Variants in UNC79 observed in about 807,000 individuals in gnomAD.
UNC79 encodes unc-79 subunit of NALCN channel complex, also known as protein unc-79 homolog.
A neutral mutation model predicts 283.1 loss-of-function variants in UNC79; 37 were observed. That is an observed-to-expected ratio of 0.13 (90% CI 0.10 to 0.17). UNC79 has a LOEUF of 0.17. UNC79 is among the 10% of genes least tolerant of loss of function. The pLI is 1.00. For missense variants in UNC79, 2,272 were observed against 3,211.1 expected (o/e 0.71, Z 7.07); for synonymous variants, 1,107 against 1,200.2 (o/e 0.92, Z 1.61).
intron 42 of UNC79, among the ~76,000 whole-genome samples, chr14:93,685,367 T>C (rs982415093): frequency 1.2e-4 from 18 of 152,212 alleles, no homozygotes; most frequent in African/African-American, 4.3e-4. Context: ...AAATCCTTTC[T>C]TGCACGAAAG....
At chr14:93,343,983 G>T (rs1279462109) in intron 1 of UNC79, among the ~76,000 whole-genome samples, 1 of 132,172 alleles carries the variant, frequency 7.6e-6, no homozygotes, top group Non-Finnish European at 1.6e-5. Context: ...GAGGAATGTT[G>T]TTTGTATTGG....
upstream of UNC79, among the ~76,000 whole-genome samples, chr14:93,429,396 C>T (rs1348925752): frequency 1.3e-5 from 2 of 152,194 alleles, no homozygotes; most frequent in East Asian, 3.9e-4. Context: ...ATCACATATG[C>T]AACCCAAAGA....
chr14:93,588,873 A>G (rs2064435871), intron 22 of UNC79, among the ~76,000 whole-genome samples: 1 of 152,184 alleles, frequency 6.6e-6, no homozygotes, highest in Non-Finnish European at 1.5e-5. Context: ...GATCAAGAAC[A>G]AAAGGTAGGG....
At chr14:93,340,535 C>T (rs1449538753) in intron 1 of UNC79, among the ~76,000 whole-genome samples, 2 of 148,868 alleles carry the variant, frequency 1.3e-5, no homozygotes, top group Non-Finnish European at 3.0e-5. Context: ...TCTGTTTATA[C>T]ATCCAGTCAG....
chr14:93,601,669 G>C (rs2065515990), intron 25 of UNC79, among the ~76,000 whole-genome samples: 1 of 152,126 alleles, frequency 6.6e-6, no homozygotes, highest in South Asian at 2.1e-4. Context: ...GTTCTTTAAG[G>C]AATCTCCATA....
chr14:93,623,014 A>G (rs1266536335), intron 30 of UNC79, among the ~76,000 whole-genome samples, 173 bp downstream of exon 32: 2 of 152,136 alleles, frequency 1.3e-5, no homozygotes, highest in Non-Finnish European at 2.9e-5. Context: ...ACAATGTTGG[A>G]TGCAGATGTG....
At chr14:93,347,439 CCTGGCGGGGCG>C (rs1169017320) in intron 1 of UNC79, 1 of 1,412,458 alleles carries the variant, frequency 7.1e-7, no homozygotes, top group African/African-American at 1.5e-5. Flanking sequence ...AGCGCGTGGC[CCTGGCGGGGCG>C]CCCCGACGGG....
At chr14:93,598,409 T>G (rs10136905) in intron 24 of UNC79, among the ~76,000 whole-genome samples, 5,851 of 38,878 alleles carry the variant, frequency 0.15, 183 homozygotes, top group Middle Eastern at 0.2. Flanking sequence ...TGTGTGTGTG[T>G]GGCAGATTTT....
exon 49 of UNC79, chr14:93,706,853 C>T (rs762901054): frequency 2.5e-6 from 4 of 1,614,052 alleles, no homozygotes; most frequent in Non-Finnish European, 3.4e-6. Context: ...TCAAAATGGC[C>T]CAGGTGGAGA....
At chr14:93,545,592 GT>G (rs898359323) in intron 14 of UNC79, among the ~76,000 whole-genome samples, 10 of 152,166 alleles carry the variant, frequency 6.6e-5, no homozygotes, top group African/African-American at 2.2e-4. Context: ...TATCGAATCT[GT>G]TTTTCCAAGA....
chr14:93,532,972 G>GTA (rs2060899816), intron 11 of UNC79, among the ~76,000 whole-genome samples: 4 of 152,040 alleles, frequency 2.6e-5, no homozygotes, highest in Admixed American at 6.6e-5. Flanking sequence ...CAATTTGTAT[G>GTA]TGTGAAAAAC....
intron 7 of UNC79, among the ~76,000 whole-genome samples, chr14:93,506,004 C>G (rs1009327448): frequency 4.6e-5 from 7 of 151,742 alleles, no homozygotes; most frequent in African/African-American, 1.7e-4. Context: ...AACATAATTA[C>G]TGTTGTTCAG....
intron 34 of UNC79, among the ~76,000 whole-genome samples, chr14:93,644,521 G>T (rs184316486): frequency 3.9e-5 from 6 of 152,238 alleles, no homozygotes; most frequent in African/African-American, 1.4e-4. Flanking sequence ...AGTTACTGTG[G>T]ACTCATTGAC....
chr14:93,336,726 AAAGAC>A (rs1343763400), intron 1 of UNC79, among the ~76,000 whole-genome samples: 1 of 152,250 alleles, frequency 6.6e-6, no homozygotes, highest in Non-Finnish European at 1.5e-5. Flanking sequence ...TTGGGGAAGA[AAAGAC>A]AAGCAAGTCA....
intron 13 of UNC79, 111 bp from the exon 14 acceptor site, chr14:93,542,355 C>A: frequency 8.9e-7 from 1 of 1,128,400 alleles, no homozygotes; most frequent in Non-Finnish European, 1.2e-6. Flanking sequence ...CTATTTCAAA[C>A]AGATTATCTG....
chr14:93,455,849 A>G (rs907241812), intron 1 of UNC79, among the ~76,000 whole-genome samples: 2 of 151,948 alleles, frequency 1.3e-5, no homozygotes, highest in Admixed American at 6.6e-5. Flanking sequence ...GAATTCAAAT[A>G]AACCCTGGAT....
intron 1 of UNC79, among the ~76,000 whole-genome samples, chr14:93,374,485 A>C (rs1398614645): frequency 2.0e-5 from 3 of 152,172 alleles, no homozygotes; most frequent in African/African-American, 4.8e-5. Flanking sequence ...CTCTTTTGGA[A>C]TGCAAATGTC....
intron 1 of UNC79, among the ~76,000 whole-genome samples, chr14:93,361,686 C>T (rs1297255480): frequency 6.6e-6 from 1 of 152,036 alleles, no homozygotes; most frequent in African/African-American, 2.4e-5. Context: ...CCTTTTATTT[C>T]TTTCTCCCAC....
intron 47 of UNC79, among the ~76,000 whole-genome samples, chr14:93,702,050 C>T (rs2075567519): frequency 6.6e-6 from 1 of 152,312 alleles, no homozygotes; most frequent in East Asian, 1.9e-4. Flanking sequence ...TATGGGCCCA[C>T]TTCTGTATTA....
Sources: gnomAD v4.1 joint callset for allele counts (sites outside exome capture counted in the v4.1 genomes callset) on GRCh38, gnomAD v4.1.1 for gene constraint, MANE v1.5 for transcripts, NCBI Gene and HGNC (gene_info 2026-07-23, HGNC 2026-07-21) for gene names.